CAST: variants seen among roughly 807,000 people sequenced by gnomAD.
CAST encodes MIR583 host.
CAST carries 76 observed loss-of-function variants against 119.6 expected under a neutral mutation model. That is an observed-to-expected ratio of 0.64 (90% CI 0.53 to 0.77). CAST has a LOEUF of 0.77. Ranked by LOEUF, CAST falls within the 30% of genes least tolerant of loss-of-function variation. The pLI, the probability that CAST is intolerant of heterozygous loss-of-function variation, is 0.00. For missense variants in CAST, 953 were observed against 946.5 expected (o/e 1.01, Z -0.09); for synonymous variants, 319 against 331.6 (o/e 0.96, Z 0.41).
chr5:96,235,389 G>A, the CAST span, among the ~76,000 whole-genome samples: 1 of 152,222 alleles, frequency 6.6e-6, no homozygotes, highest in Admixed American at 6.5e-5. Flanking sequence ...GCATACAGCA[G>A]TAAAAAGGAC....
chr5:96,664,954 A>C (rs73774359), intron 1 of CAST, among the ~76,000 whole-genome samples: 4,801 of 152,228 alleles, frequency 0.032, 256 homozygotes, highest in African/African-American at 0.11. Flanking sequence ...TGACATCAAA[A>C]TTCTCCTTCC....
intron 1 of CAST, among the ~76,000 whole-genome samples, chr5:96,670,465 C>G (rs1749917752): frequency 6.6e-6 from 1 of 152,094 alleles, no homozygotes; most frequent in Non-Finnish European, 1.5e-5. Context: ...TTTCTGTCTT[C>G]TTGCTTCTTT....
At chr5:96,641,491 C>T (rs954911145) in intron 1 of CAST, among the ~76,000 whole-genome samples, 1 of 152,162 alleles carries the variant, frequency 6.6e-6, no homozygotes, top group African/African-American at 2.4e-5. Flanking sequence ...GCTGGGCCAA[C>T]AACTAACTAG....
intron 2 of CAST, among the ~76,000 whole-genome samples, chr5:96,694,153 T>A (rs1718944330): frequency 6.6e-6 from 1 of 152,256 alleles, no homozygotes; most frequent in South Asian, 2.1e-4. Flanking sequence ...AAATATTTCT[T>A]CTAAATATTA....
chr5:96,314,758 T>C, the CAST span, among the ~76,000 whole-genome samples: 1 of 152,206 alleles, frequency 6.6e-6, no homozygotes, highest in African/African-American at 2.4e-5. Flanking sequence ...TGTGATAACC[T>C]GTTCACATTT....
chr5:96,375,955 A>G, the CAST span, among the ~76,000 whole-genome samples: 1 of 148,324 alleles, frequency 6.7e-6, no homozygotes, highest in South Asian at 2.1e-4. Context: ...ATATATATAT[A>G]TATCTCCTAT....
chr5:96,486,324 T>C, the CAST span, among the ~76,000 whole-genome samples: 1 of 152,108 alleles, frequency 6.6e-6, no homozygotes, highest in Non-Finnish European at 1.5e-5. Context: ...CTCATGCTTC[T>C]GAGGAAAAGG....
the CAST span, among the ~76,000 whole-genome samples, chr5:96,480,076 C>T: frequency 2.0e-5 from 3 of 152,156 alleles, no homozygotes; most frequent in East Asian, 3.9e-4. Context: ...TGCATTTAAT[C>T]CTAAGAGCTT....
At chr5:96,014,014 T>A in the CAST span, among the ~76,000 whole-genome samples, 7 of 152,180 alleles carry the variant, frequency 4.6e-5, no homozygotes, top group Admixed American at 2.0e-4. Flanking sequence ...GTAACTTTTT[T>A]ACTTTGTAAA....
chr5:96,470,893 C>T, the CAST span, among the ~76,000 whole-genome samples: 2 of 152,054 alleles, frequency 1.3e-5, no homozygotes, highest in African/African-American at 4.8e-5. Flanking sequence ...AGCTATAAAT[C>T]TAATATACGC....
At chr5:96,420,925 T>G in the CAST span, among the ~76,000 whole-genome samples, 1 of 152,202 alleles carries the variant, frequency 6.6e-6, no homozygotes, top group African/African-American at 2.4e-5. Flanking sequence ...ATGCTTGGCT[T>G]TTTCCATCCT....
chr5:96,140,089 G>C, the CAST span, among the ~76,000 whole-genome samples: 1 of 152,160 alleles, frequency 6.6e-6, no homozygotes, highest in African/African-American at 2.4e-5. Flanking sequence ...GTTCTTCTTT[G>C]TCACAGTAGT....
chr5:96,394,464 T>C, the CAST span, among the ~76,000 whole-genome samples: 1 of 152,236 alleles, frequency 6.6e-6, no homozygotes, highest in African/African-American at 2.4e-5. Context: ...GCAAAATGGA[T>C]ACACGAATGT....
the CAST span, among the ~76,000 whole-genome samples, chr5:96,468,405 T>G: frequency 6.6e-6 from 1 of 152,008 alleles, no homozygotes; most frequent in Non-Finnish European, 1.5e-5. Flanking sequence ...CCAAAAAAAT[T>G]CAGGTGTGCA....
intron 20 of CAST, among the ~76,000 whole-genome samples, chr5:96,751,134 C>T (rs1764954688): frequency 6.6e-6 from 1 of 152,132 alleles, no homozygotes; most frequent in Non-Finnish European, 1.5e-5. Context: ...TCTTTTCGTG[C>T]TTCTCTCTCA....
chr5:96,498,629 A>G, the CAST span, among the ~76,000 whole-genome samples: 1 of 152,382 alleles, frequency 6.6e-6, no homozygotes, highest in African/African-American at 2.4e-5. Flanking sequence ...ATGTCAAGCA[A>G]TAAAGATCAA....
At chr5:96,601,433 A>C (rs1471132381) in intron 1 of CAST, among the ~76,000 whole-genome samples, 1 of 152,260 alleles carries the variant, frequency 6.6e-6, no homozygotes, top group Non-Finnish European at 1.5e-5. Context: ...TCTGCATAGA[A>C]GGTTACTACG....
intron 1 of CAST, among the ~76,000 whole-genome samples, chr5:96,573,880 T>C (rs960904497): frequency 1.3e-5 from 2 of 152,216 alleles, no homozygotes; most frequent in Non-Finnish European, 2.9e-5. Flanking sequence ...AGTATATTCT[T>C]TGTTTCTGGC....
At chr5:96,327,205 T>G in the CAST span, among the ~76,000 whole-genome samples, 1 of 152,218 alleles carries the variant, frequency 6.6e-6, no homozygotes, top group African/African-American at 2.4e-5. Context: ...TCAAATTTGT[T>G]GTAAGGATTA....
Sources: allele counts gnomAD v4.1 joint callset (sites outside exome capture counted in the v4.1 genomes callset), GRCh38; gene constraint gnomAD v4.1.1; transcripts MANE v1.5; gene names NCBI Gene and HGNC (gene_info 2026-07-23, HGNC 2026-07-21).